MLPH: variants seen among roughly 807,000 people sequenced by gnomAD.
The protein encoded by MLPH is melanophilin, also known as exophilin-3.
A neutral mutation model predicts 72.1 loss-of-function variants in MLPH; 51 were observed. The observed-to-expected ratio is 0.71, with a 90% CI of 0.56 to 0.89. The LOEUF (loss-of-function observed/expected upper bound fraction) is 0.89. Among genes scored for constraint, MLPH ranks in the 40% least tolerant of loss-of-function variants. MLPH has a pLI of 0.00. For missense variants in MLPH, 743 were observed against 759.9 expected, an observed-to-expected ratio of 0.98 and a Z score of 0.26; for synonymous variants, 301 against 310.1, an observed-to-expected ratio of 0.97 and a Z score of 0.31.
At chr2:237,550,987 G>A (rs2081025782) in intron 14 of MLPH, among the ~76,000 whole-genome samples, 1 of 152,188 alleles carries the variant, frequency 6.6e-6, no homozygotes, top group South Asian at 2.1e-4. Flanking sequence ...CTCACCCCCG[G>A]CCCCCTGAAG....
At chr2:237,507,475 G>C (rs2079802693) in intron 2 of MLPH, 1 of 152,166 alleles carries the variant, frequency 6.6e-6, no homozygotes, top group African/African-American at 2.4e-5. Context: ...CACTTGAAGT[G>C]GATTTTCTAC....
intron 8 of MLPH, chr2:237,527,718 T>A (rs1430550706): frequency 1.5e-6 from 1 of 674,078 alleles, no homozygotes; most frequent in African/African-American, 1.8e-5. Flanking sequence ...CATCTTAGTA[T>A]GGCCATTCCC....
chr2:237,524,302 A>AATATATATATATATATATAT lies in MLPH; in HGVS notation c.676-1280_676-1279insTATATATATATATATATATA, dbSNP rs139706602. ...TTTCTTAGAGGGACAGAACTAATAG[A>AATATATATATATATATATAT]ATATATATATATATATATAAAGGGG... is the stretch of plus-strand genomic sequence containing the variant. On this transcript the variant is annotated intron_variant, in intron 6 of 15. Transcript: ENST00000264605. 2.8e-3 allele frequency among the ~76,000 whole-genome samples: 362 copies of AATATATATATATATATATAT among 127,268 alleles called. 15 individuals are homozygous for AATATATATATATATATATAT. Among genetic ancestry groups the AATATATATATATATATATAT allele is most frequent in the African/African-American group, 0.013 (322 of 24,240 alleles). 83.5% of individuals were successfully genotyped at this position (127,268 alleles called of 152,430 possible). A position where few individuals can be genotyped will look rare whatever the true frequency, so the allele number is the denominator to read the frequency against.
At chr2:237,487,098 C>A (rs772591534), upstream of MLPH, 6 of 152,388 alleles carry the variant, frequency 3.9e-5, no homozygotes, top group South Asian at 2.1e-4. Flanking sequence ...CCGGGGCTCT[C>A]CCCCGCACTG....
chr2:237,519,825 G>C (rs1001901265), intron 5 of MLPH, 85 bp from the exon 6 acceptor site: 1 of 1,599,622 alleles, frequency 6.3e-7, no homozygotes, highest in African/African-American at 1.3e-5. Context: ...GGGGCTGAGT[G>C]TGGGGTTGGG....
intron 4 of MLPH, chr2:237,511,460 C>A: frequency 3.4e-6 from 1 of 298,008 alleles, no homozygotes. Flanking sequence ...TCCCACTGGC[C>A]TGGTCTGAGC....
intron 1 of MLPH, among the ~76,000 whole-genome samples, chr2:237,488,127 C>G (rs2079356271): frequency 1.3e-5 from 2 of 152,212 alleles, no homozygotes; most frequent in Non-Finnish European, 1.5e-5. Context: ...GCACTGGAAA[C>G]TCCACCTCAC....
intron 6 of MLPH, among the ~76,000 whole-genome samples, chr2:237,520,437 G>A (rs926111373): frequency 1.3e-5 from 2 of 152,016 alleles, no homozygotes; most frequent in Non-Finnish European, 2.9e-5. Flanking sequence ...TACTGGGAGG[G>A]GAACATACAC....
rs374579829 is a variant in MLPH at position 237,493,448 on chromosome 2, T to C, written c.22T>C (p.Ser8Pro). MGKKLDL[S>P]KLTDEEAQHV... ...AGAAATGGGGAAGAAACTGGATCTT[T>C]CCAAGCTCACTGATGAAGAGGCCCA... The change falls in exon 2 of 16, where the codon TCC becomes CCC. Residue 8 changes from serine (S) to proline (P), a missense_variant. By Grantham distance (74) the Ser-to-Pro change is moderately conservative (BLOSUM62 -1). Transcript: ENST00000264605. 13 of 1,613,944 alleles carry C rather than the reference T, an allele frequency of 8.1e-6. No homozygotes were observed. In the East Asian group the frequency reaches 1.6e-4, roughly 19 times the overall value.
chr2:237,490,261 C>G (rs776336713), intron 1 of MLPH, among the ~76,000 whole-genome samples: 55 of 151,776 alleles, frequency 3.6e-4, no homozygotes, highest in African/African-American at 1.3e-3. Context: ...CCATGGAGGT[C>G]GAGGCAGCAG....
intron 11 of MLPH, among the ~76,000 whole-genome samples, chr2:237,542,256 A>G (rs2080705444): frequency 6.6e-6 from 1 of 152,002 alleles, no homozygotes; most frequent in Admixed American, 6.5e-5. Context: ...CTGTCCTTGC[A>G]TGTCACGGCC....
chr2:237,553,959 ATGG>A lies in MLPH; in HGVS notation c.*368_*370del. The A allele has an allele frequency of 2.5e-6, 1 of 399,802 alleles. No homozygotes were observed. The highest frequency in any genetic ancestry group is 3.6e-5 in the Admixed American group (1 of 28,142). 24.8% of individuals were successfully genotyped at this position (399,802 alleles called of 1,614,324 possible). On this transcript the variant is annotated 3_prime_UTR_variant, in exon 16 of 16. Coordinates refer to ENST00000264605, the MANE Select transcript of MLPH (RefSeq NM_024101.7). ...TGGCTTTCTTATGTTGCTTTCATGAATGGAATGGAAAAAAGATGACTCAGTTAA... is the reference window on the plus strand; with the variant it reads ...TGGCTTTCTTATGTTGCTTTCATGAAAATGGAAAAAAGATGACTCAGTTAA...
chr2:237,496,160 G>T (rs1422296587), intron 2 of MLPH, among the ~76,000 whole-genome samples: 3 of 152,210 alleles, frequency 2.0e-5, no homozygotes, highest in Non-Finnish European at 4.4e-5. Context: ...CTCCAAGGCA[G>T]CCCTGGCTAT....
At chr2:237,493,970 A>G (rs2079482042) in intron 2 of MLPH, among the ~76,000 whole-genome samples, 1 of 151,910 alleles carries the variant, frequency 6.6e-6, no homozygotes, top group African/African-American at 2.4e-5. Context: ...ACCATGGGTG[A>G]CCCCAGCACG....
intron 14 of MLPH, among the ~76,000 whole-genome samples, chr2:237,550,991 C>T (rs2081026006): frequency 6.6e-6 from 1 of 152,244 alleles, no homozygotes; most frequent in African/African-American, 2.4e-5. Context: ...CCCCCGGCCC[C>T]CTGAAGCTCA....
chr2:237,549,210 G>C lies in MLPH; in HGVS notation c.1618-11G>C, dbSNP rs1051383639. The C allele has an allele frequency of 1.2e-6, 2 of 1,613,246 alleles. No individual in the cohort carries two copies. The highest frequency in any genetic ancestry group is 1.3e-5 in the African/African-American group (1 of 74,898). The stretch of plus-strand genomic sequence containing the variant: ...ACTTGATGAAGCCTGGAGACACTCT[G>C]TTTCTTCTAGGCAATGGCTGTGCCC... On this transcript the variant is annotated splice_polypyrimidine_tract_variant and intron_variant, in intron 13 of 15. Transcript: ENST00000264605.
At chr2:237,490,370 G>T (rs983525289) in intron 1 of MLPH, among the ~76,000 whole-genome samples, 1 of 152,152 alleles carries the variant, frequency 6.6e-6, no homozygotes, top group Non-Finnish European at 1.5e-5. Context: ...GGGATAGAAT[G>T]GGGGAGGGAC....
rs535285565 is a variant in MLPH, at chr2:237,492,835, G to T, written c.-24-568G>T. Among the ~76,000 whole-genome samples the T allele has an allele frequency of 3.9e-5, 6 of 152,274 alleles. No homozygotes were observed. In the South Asian group the frequency reaches 1.2e-3, roughly 32 times the overall value. ...CAGAGGATGGTGAAACCTTCCAAGTGCTGTGGAGTCTCCCAACTTTTCCAC... is the reference window on the plus strand; with the variant it reads ...CAGAGGATGGTGAAACCTTCCAAGTTCTGTGGAGTCTCCCAACTTTTCCAC... On this transcript the variant is annotated intron_variant, in intron 1 of 15. Coordinates refer to ENST00000264605, the MANE Select transcript of MLPH (RefSeq NM_024101.7).
At chr2:237,549,686 G>A (rs2080993909) in intron 14 of MLPH, among the ~76,000 whole-genome samples, 1 of 152,108 alleles carries the variant, frequency 6.6e-6, no homozygotes, top group South Asian at 2.1e-4. Flanking sequence ...CCCAGCACGT[G>A]GCCGGGCTCT....
Sources: gnomAD v4.1 joint callset for allele counts (sites outside exome capture counted in the v4.1 genomes callset) on GRCh38, gnomAD v4.1.1 for gene constraint, MANE v1.5 for transcripts, NCBI Gene and HGNC (gene_info 2026-07-23, HGNC 2026-07-21) for gene names.